The following LTBP1 variants were observed in gnomAD, a reference collection of about 807,000 sequenced individuals.
LTBP1 encodes the protein latent-transforming growth factor beta-binding protein 1.
LTBP1 carries 129 observed loss-of-function variants against 207.6 expected under a neutral mutation model. The ratio of observed to expected loss-of-function variants is 0.62; its 90% CI spans 0.54 to 0.72. The LOEUF is 0.72. Ranked by LOEUF, LTBP1 falls within the 30% of genes least tolerant of loss-of-function variation. The pLI is 0.00. For missense variants in LTBP1, 2,281 were observed against 2,217.2 expected (o/e 1.03, Z -0.58); for synonymous variants, 963 against 833.7 (o/e 1.16, Z -2.67).
intron 3 of LTBP1, among the ~76,000 whole-genome samples, chr2:33,025,308 G>C (rs765987458): frequency 3.3e-5 from 5 of 152,124 alleles, no homozygotes; most frequent in Non-Finnish European, 5.9e-5. Flanking sequence ...ACCATATTTA[G>C]GATATGATTT....
chr2:33,279,693 G>T (rs1165874890), intron 18 of LTBP1, among the ~76,000 whole-genome samples: 1 of 152,096 alleles, frequency 6.6e-6, no homozygotes, highest in African/African-American at 2.4e-5. Context: ...CCCATTCTTT[G>T]TATTTCTTTC....
chr2:33,355,098 G>T (rs1476101005), intron 26 of LTBP1, among the ~76,000 whole-genome samples: 1 of 152,066 alleles, frequency 6.6e-6, no homozygotes, highest in Non-Finnish European at 1.5e-5. Flanking sequence ...CATACACTTT[G>T]TGTGTCACTT....
At chr2:33,267,637 G>A (rs1385924214) in intron 15 of LTBP1, among the ~76,000 whole-genome samples, 1 of 152,184 alleles carries the variant, frequency 6.6e-6, no homozygotes, top group Non-Finnish European at 1.5e-5. Flanking sequence ...GTAAGACATT[G>A]TAATTTACTA....
At chr2:32,973,269 A>C (rs1400563677) in intron 2 of LTBP1, among the ~76,000 whole-genome samples, 1 of 149,888 alleles carries the variant, frequency 6.7e-6, no homozygotes, top group Non-Finnish European at 1.5e-5. Context: ...TTGTGTCATT[A>C]TCTAAGTCTC....
intron 2 of LTBP1, among the ~76,000 whole-genome samples, chr2:33,012,232 A>G (rs1296405268): frequency 1.3e-5 from 2 of 150,270 alleles, no homozygotes; most frequent in African/African-American, 4.9e-5. Context: ...ATAAGGCATG[A>G]GTCAAACTTG....
At chr2:33,308,647 T>A (rs2094135311) in intron 22 of LTBP1, among the ~76,000 whole-genome samples, 1 of 152,236 alleles carries the variant, frequency 6.6e-6, no homozygotes, top group African/African-American at 2.4e-5. Flanking sequence ...TGACAATTCT[T>A]ATGTTACATT....
At chr2:33,156,434 G>A (rs1385635901) in intron 5 of LTBP1, among the ~76,000 whole-genome samples, 3 of 152,294 alleles carry the variant, frequency 2.0e-5, no homozygotes, top group South Asian at 2.1e-4. Context: ...TCTGACTCAA[G>A]TTGTTCACTG....
At chr2:33,098,699 A>C (rs952193966) in intron 3 of LTBP1, among the ~76,000 whole-genome samples, 1 of 152,098 alleles carries the variant, frequency 6.6e-6, no homozygotes, top group Non-Finnish European at 1.5e-5. Context: ...TTGGCCTTCC[A>C]AAGTGCTGAG....
chr2:33,355,480 CT>C (rs929614667), intron 26 of LTBP1, among the ~76,000 whole-genome samples: 33 of 152,142 alleles, frequency 2.2e-4, no homozygotes, highest in African/African-American at 7.7e-4. Context: ...TTACACTATA[CT>C]GTTGTTTTAT....
chr2:33,317,339 A>G lies in LTBP1; in HGVS notation c.3730+2070A>G, dbSNP rs2094288085. On this transcript the variant is annotated intron_variant, in intron 24 of 33. Transcript: ENST00000404816. ...GTAATGAAATACAAGTTAGAATATTATGTTGGTATTATACATGGTAGTATA... is the reference window on the plus strand; with the variant it reads ...GTAATGAAATACAAGTTAGAATATTGTGTTGGTATTATACATGGTAGTATA... Among the ~76,000 whole-genome samples the G allele has an allele frequency of 2.0e-5, 3 of 152,364 alleles. No individual in the cohort carries two copies. The South Asian group carries it at 6.2e-4, about 32-fold the overall frequency.
intron 2 of LTBP1, among the ~76,000 whole-genome samples, chr2:32,992,537 G>A (rs1684578759): frequency 6.6e-6 from 1 of 152,190 alleles, no homozygotes; most frequent in Non-Finnish European, 1.5e-5. Context: ...GCTCAGACAG[G>A]CTTGATCTCT....
At chr2:33,171,245 A>G (rs1423188823) in intron 5 of LTBP1, among the ~76,000 whole-genome samples, 1 of 119,552 alleles carries the variant, frequency 8.4e-6, no homozygotes, top group African/African-American at 3.0e-5. Flanking sequence ...AAGGCCAAGA[A>G]GTTGAAAACT....
intron 9 of LTBP1, among the ~76,000 whole-genome samples, chr2:33,227,060 G>A (rs1367783822): frequency 2.0e-5 from 3 of 149,494 alleles, no homozygotes; most frequent in East Asian, 3.9e-4. Flanking sequence ...TTTTTGAGAC[G>A]GAGTCTTGTT....
At chr2:33,375,259 AT>A (rs1362651597) in intron 31 of LTBP1, among the ~76,000 whole-genome samples, 3 of 152,356 alleles carry the variant, frequency 2.0e-5, no homozygotes, top group African/African-American at 7.2e-5. Context: ...GTTAGCAATT[AT>A]TATGAATCAA....
At position 32,947,480 on chromosome 2, in the gene LTBP1, G is replaced by C; in HGVS notation, c.156G>C (p.Arg52=). The C allele has an allele frequency of 6.9e-7, 1 of 1,445,168 alleles. No homozygotes were observed. The highest frequency in any genetic ancestry group is 9.1e-7 in the Non-Finnish European group (1 of 1,103,266). The allele number at this position is 1,445,168 out of a possible 1,614,324, so 89.5% of individuals were successfully genotyped here. Residue 52 remains arginine (R), a synonymous_variant, in exon 1 of 34, where the codon CGG becomes CGC. Coordinates refer to ENST00000404816, the MANE Select transcript of LTBP1 (RefSeq NM_206943.4). ...CCCTGAGCGGGCCCCCGCGTTCGCG[G>C]ACATTCAACGTCGCGCTCAACGCCA... ...ALPLSGPPRS[R]TFNVALNARY... is the part of the protein sequence containing the mutation.
At chr2:33,207,079 A>G (rs927203936) in intron 7 of LTBP1, among the ~76,000 whole-genome samples, 2 of 152,200 alleles carry the variant, frequency 1.3e-5, no homozygotes, top group Admixed American at 6.5e-5. Context: ...AGCCTGGAAG[A>G]AGACTTGACT....
Position 33,338,299 on chromosome 2 carries a change from G to A in LTBP1, c.3731-4539G>A, listed in dbSNP as rs145189022. On this transcript the variant is annotated intron_variant, in intron 24 of 33. Coordinates refer to ENST00000404816, the MANE Select transcript of LTBP1 (RefSeq NM_206943.4). ...CCCAGTAATTCATAACCAGCTTGGG[G>A]CTTGTTCACCTTCAGGTCAATTATT... is the stretch of plus-strand genomic sequence containing the variant. 5.7e-4 allele frequency among the ~76,000 whole-genome samples: 87 copies of A among 152,240 alleles called. No homozygotes were observed. The South Asian group carries it at 7.9e-3, about 14-fold the overall frequency.
intron 3 of LTBP1, among the ~76,000 whole-genome samples, chr2:33,105,297 G>C (rs1030469124): frequency 6.6e-6 from 1 of 152,116 alleles, no homozygotes; most frequent in African/African-American, 2.4e-5. Context: ...AGTCTATTAA[G>C]TGTGTAATAG....
At position 33,229,437 on chromosome 2, in the gene LTBP1, G is replaced by T. The variant is rs543881873; in HGVS notation, c.1876+7286G>T. Among the ~76,000 whole-genome samples, 81 of 152,254 alleles carry T rather than the reference G, an allele frequency of 5.3e-4. 2 individuals are homozygous for T. In the South Asian group the frequency reaches 0.011, roughly 21 times the overall value. On this transcript the variant is annotated intron_variant, in intron 9 of 33. Coordinates refer to ENST00000404816, the MANE Select transcript of LTBP1 (RefSeq NM_206943.4). ...TGCAGTGAGCTATGATCGTGCCACT[G>T]CACTGAAGCCTGGGCAACAAAGTGA...
Sources: allele counts gnomAD v4.1 joint callset (sites outside exome capture counted in the v4.1 genomes callset), GRCh38; gene constraint gnomAD v4.1.1; transcripts MANE v1.5; gene names NCBI Gene and HGNC (gene_info 2026-07-23, HGNC 2026-07-21).